The following PLG variants were observed in gnomAD, a reference collection of about 807,000 sequenced individuals.
PLG encodes plasmin.
PLG carries 41 observed loss-of-function variants against 104.4 expected under a neutral mutation model. The observed-to-expected ratio is 0.39, with a 90% CI of 0.31 to 0.51. PLG has a LOEUF of 0.51. Ranked by LOEUF, PLG falls within the 20% of genes least tolerant of loss-of-function variation. The pLI is 0.76. For missense variants in PLG, 891 were observed against 1,003.6 expected (o/e 0.89, Z 1.52); for synonymous variants, 337 against 357.1 (o/e 0.94, Z 0.63).
intron 10 of PLG, among the ~76,000 whole-genome samples, chr6:160,729,701 C>T (rs1241785067): frequency 1.3e-5 from 2 of 152,108 alleles, no homozygotes; most frequent in East Asian, 1.9e-4. Context: ...GTGAAGGAAA[C>T]CAATAGTATT....
At chr6:160,704,685 C>G (rs1440103242) in intron 1 of PLG, among the ~76,000 whole-genome samples, 1 of 152,200 alleles carries the variant, frequency 6.6e-6, no homozygotes, top group African/African-American at 2.4e-5. Flanking sequence ...TAGAATGCAT[C>G]AGCCAACTCC....
chr6:160,724,976 G>A lies in PLG; in HGVS notation c.1256+2409G>A, dbSNP rs976748203. On this transcript the variant is annotated intron_variant, in intron 10 of 18. Coordinates refer to ENST00000308192, the MANE Select transcript of PLG (RefSeq NM_000301.5). The surrounding 1 kb of genome is among the most constrained non-coding windows in gnomAD (Gnocchi z 5.0). The stretch of plus-strand genomic sequence containing the variant: ...TAATTTCTTTAAAAGATAATTGATG[G>A]GAGGCTGAGTCGGGCAGATCATGGG... Among the ~76,000 whole-genome samples, 9 of 152,116 alleles carry A rather than the reference G, an allele frequency of 5.9e-5. No homozygotes were observed. The highest frequency in any genetic ancestry group is 2.0e-4 in the Admixed American group (3 of 15,268).
At chr6:160,733,870 A>G in intron 12 of PLG, 125 bp from the exon 13 acceptor site, 1 of 540,924 alleles carries the variant, frequency 1.8e-6, no homozygotes, top group East Asian at 3.7e-5. Flanking sequence ...AAAAAAAAAG[A>G]AGGAAGGAAA....
intron 2 of PLG, 109 bp downstream of exon 2, chr6:160,706,651 G>A: frequency 4.4e-6 from 5 of 1,132,264 alleles, no homozygotes; most frequent in South Asian, 1.4e-5. Context: ...TATGGAGCCA[G>A]AGTTTGGAAC....
intron 17 of PLG, among the ~76,000 whole-genome samples, chr6:160,743,030 T>A (rs1239718879): frequency 5.0e-5 from 6 of 119,636 alleles, no homozygotes; most frequent in Non-Finnish European, 3.5e-5. Context: ...TTTTTTTTTT[T>A]ACCAGTACCA....
In PLG at chr6:160,732,583, C is replaced by A. The variant is rs185856034; in HGVS notation, c.1587+690C>A. On this transcript the variant is annotated intron_variant, in intron 12 of 18. Coordinates refer to ENST00000308192, the MANE Select transcript of PLG (RefSeq NM_000301.5). This position sits in a 1 kb window ranked among gnomAD's most constrained non-coding sequence, Gnocchi z 4.5. The stretch of plus-strand genomic sequence containing the variant: ...CCACAAGACCGCCCCACTGCAGATG[C>A]CAATCCCAAGTTCCAGGCGGTGACC... Among the ~76,000 whole-genome samples the A allele has an allele frequency of 1.2e-4, 18 of 152,292 alleles. No homozygotes were observed. Among genetic ancestry groups the A allele is most frequent in the Admixed American group, 1.0e-3 (16 of 15,294 alleles).
At position 160,731,150 on chromosome 6, in the gene PLG, A is replaced by G. The variant is rs769185216; in HGVS notation, c.1356A>G (p.Lys452=). ...TCAGGTGGGAGTACTGCAACCTGAA[A>G]AAATGCTCAGGAACAGAAGCGAGTG... The part of the protein sequence containing the change: ...PSVRWEYCNL[K]KCSGTEASVV... The change falls in exon 11 of 19, where the codon AAA becomes AAG. Residue 452 remains lysine, a synonymous_variant. Transcript: ENST00000308192. The surrounding 1 kb of genome is among the most constrained non-coding windows in gnomAD (Gnocchi z 5.1). 2 of 1,614,008 alleles carry G rather than the reference A, an allele frequency of 1.2e-6. No individual in the cohort carries two copies. The highest frequency in any genetic ancestry group is 1.7e-6 in the Non-Finnish European group (2 of 1,180,000).
In PLG at chr6:160,732,091, C is replaced by T. The variant is rs542464713; in HGVS notation, c.1587+198C>T. 1.1e-4 allele frequency among the ~76,000 whole-genome samples: 17 copies of T among 152,304 alleles called. No homozygotes were observed. Among genetic ancestry groups the T allele is most frequent in the Admixed American group, 2.6e-4 (4 of 15,300 alleles). The stretch of plus-strand genomic sequence containing the variant: ...CTTAGTATGGAAAGTACAAGCAGCA[C>T]AGGCCAGGAAACCTCCACACATGTG... On this transcript the variant is annotated intron_variant, in intron 12 of 18. Coordinates refer to ENST00000308192, the MANE Select transcript of PLG (RefSeq NM_000301.5). This position sits in a 1 kb window ranked among gnomAD's most constrained non-coding sequence, Gnocchi z 4.5.
chr6:160,710,435 A>T (rs1017206108), intron 3 of PLG, among the ~76,000 whole-genome samples: 1 of 152,092 alleles, frequency 6.6e-6, no homozygotes, highest in Non-Finnish European at 1.5e-5. Context: ...TGCCAGCTGC[A>T]TGTGGACCCA....
chr6:160,706,569 C>A lies in PLG; in HGVS notation c.185+27C>A. ...TATTTCCATTGTCGTTGCACCTACG[C>A]AGGAATCTGTAATTCAGATGGCAAG... On this transcript the variant is annotated intron_variant, in intron 2 of 18. Coordinates refer to ENST00000308192, the MANE Select transcript of PLG (RefSeq NM_000301.5). 3.1e-6 allele frequency: 5 copies of A among 1,606,082 alleles called. No individual in the cohort carries two copies. In the African/African-American group the frequency reaches 5.3e-5, roughly 17 times the overall value.
chr6:160,737,951 A>C lies in PLG; in HGVS notation c.1803-587A>C, dbSNP rs1252435152. Among the ~76,000 whole-genome samples, 2 of 145,132 alleles carry C rather than the reference A, an allele frequency of 1.4e-5. No individual in the cohort carries two copies. The highest frequency in any genetic ancestry group is 3.0e-5 in the Non-Finnish European group (2 of 66,722). Reference sequence around the variant, plus strand: ...AACATGCTACCATCATGCACTTCCTATCTCTATTCCTCTTCTTTAAATTTG... The same window carrying C: ...AACATGCTACCATCATGCACTTCCTCTCTCTATTCCTCTTCTTTAAATTTG... On this transcript the variant is annotated intron_variant, in intron 14 of 18. Transcript: ENST00000308192. This position sits in a 1 kb window ranked among gnomAD's most constrained non-coding sequence, Gnocchi z 4.7.
chr6:160,738,489 A>G lies in PLG; in HGVS notation c.1803-49A>G, dbSNP rs1477428033. On this transcript the variant is annotated intron_variant, in intron 14 of 18. Coordinates refer to ENST00000308192, the MANE Select transcript of PLG (RefSeq NM_000301.5). The surrounding 1 kb of genome is among the most constrained non-coding windows in gnomAD (Gnocchi z 6.8). ...TTTCTGGCTTTCTGTACAATGGAGC[A>G]GAACAAAGTATCAATTTAACTAAAA... 1.8e-6 allele frequency: 2 copies of G among 1,091,926 alleles called. No homozygotes were observed. The highest frequency in any genetic ancestry group is 2.8e-6 in the Non-Finnish European group (2 of 702,892). 67.6% of individuals were successfully genotyped at this position (1,091,926 alleles called of 1,614,324 possible).
chr6:160,734,909 T>G lies in PLG; in HGVS notation c.1681+821T>G, dbSNP rs900718417. Among the ~76,000 whole-genome samples, 2 of 151,882 alleles carry G rather than the reference T, an allele frequency of 1.3e-5. No individual in the cohort carries two copies. The highest frequency in any genetic ancestry group is 4.8e-5 in the African/African-American group (2 of 41,386). ...TCTGCCATGTGGAGGGACCTTGAGC[T>G]GGGGGAAGGAGCTTGGCCTCCAAGT... On this transcript the variant is annotated intron_variant, in intron 13 of 18. Transcript: ENST00000308192. This position sits in a 1 kb window ranked among gnomAD's most constrained non-coding sequence, Gnocchi z 4.4.
intron 17 of PLG, among the ~76,000 whole-genome samples, chr6:160,742,487 T>C (rs1305020109): frequency 6.6e-6 from 1 of 150,846 alleles, no homozygotes; most frequent in Non-Finnish European, 1.5e-5. Context: ...CCTGTCCATT[T>C]TTTAATGGGG....
chr6:160,729,407 A>T (rs1463654454), intron 10 of PLG, among the ~76,000 whole-genome samples: 1 of 151,724 alleles, frequency 6.6e-6, no homozygotes, highest in Non-Finnish European at 1.5e-5. Flanking sequence ...ATGAAAACAG[A>T]AGTCCACAAA....
chr6:160,731,095 G>GC lies in PLG; in HGVS notation c.1305dup (p.Trp436LeufsTer77). On this transcript the variant is annotated frameshift_variant, in exon 11 of 19. Coordinates refer to ENST00000308192, the MANE Select transcript of PLG (RefSeq NM_000301.5). LOFTEE classifies it high-confidence loss of function. This position sits in a 1 kb window ranked among gnomAD's most constrained non-coding sequence, Gnocchi z 5.1. The stretch of plus-strand genomic sequence containing the variant: ...TGCAGGAATCCAGATGCCGATAAAG[G>GC]CCCCTGGTGTTTTACCACAGACCCC... 1 of 1,614,056 alleles carries GC rather than the reference G, an allele frequency of 6.2e-7. No homozygotes were observed. Among genetic ancestry groups the GC allele is most frequent in the Non-Finnish European group, 8.5e-7 (1 of 1,179,958 alleles).
chr6:160,710,742 A>G (rs1318889370), intron 3 of PLG, among the ~76,000 whole-genome samples: 2 of 152,074 alleles, frequency 1.3e-5, no homozygotes, highest in African/African-American at 4.8e-5. Flanking sequence ...CTCATTTTAT[A>G]TTGTTTCCTT....
Position 160,723,248 on chromosome 6 carries a change from G to T in PLG, c.1256+681G>T, listed in dbSNP as rs1172249007. Among the ~76,000 whole-genome samples, 2 of 151,442 alleles carry T rather than the reference G, an allele frequency of 1.3e-5. No individual in the cohort carries two copies. Among genetic ancestry groups the T allele is most frequent in the Non-Finnish European group, 2.9e-5 (2 of 68,002 alleles). ...CCAGTGGCCTGAAAGGATATGGGTT[G>T]CTGGGACATGAAGAACAAAAGCAGG... On this transcript the variant is annotated intron_variant, in intron 10 of 18. Coordinates refer to ENST00000308192, the MANE Select transcript of PLG (RefSeq NM_000301.5). This position sits in a 1 kb window ranked among gnomAD's most constrained non-coding sequence, Gnocchi z 4.7.
In PLG at chr6:160,732,505, T is replaced by C. The variant is rs928987869; in HGVS notation, c.1587+612T>C. On this transcript the variant is annotated intron_variant, in intron 12 of 18. Transcript: ENST00000308192. This position sits in a 1 kb window ranked among gnomAD's most constrained non-coding sequence, Gnocchi z 4.5. ...CTGGGTGTCCTACAATGTAACTCAGTGCTGACACTCTATCTGGAGACAGTG... is the reference window on the plus strand; with the variant it reads ...CTGGGTGTCCTACAATGTAACTCAGCGCTGACACTCTATCTGGAGACAGTG... Among the ~76,000 whole-genome samples the C allele has an allele frequency of 1.3e-5, 2 of 152,102 alleles. No homozygotes were observed. Among genetic ancestry groups the C allele is most frequent in the East Asian group, 3.9e-4 (2 of 5,186 alleles).
Sources: allele counts gnomAD v4.1 joint callset (sites outside exome capture counted in the v4.1 genomes callset), GRCh38; gene constraint gnomAD v4.1.1; non-coding constraint Gnocchi (gnomAD v3.1); transcripts MANE v1.5; gene names NCBI Gene and HGNC (gene_info 2026-07-23, HGNC 2026-07-21).